Variants in PIK3CD observed in about 807,000 individuals in gnomAD.
The protein encoded by PIK3CD is phosphatidylinositol 4,5-bisphosphate 3-kinase catalytic subunit delta isoform.
PIK3CD carries 20 observed loss-of-function variants against 122.9 expected under a neutral mutation model. The ratio of observed to expected loss-of-function variants is 0.16; its 90% CI spans 0.11 to 0.24. The LOEUF (loss-of-function observed/expected upper bound fraction) is 0.24. Ranked by LOEUF, PIK3CD falls within the 10% of genes least tolerant of loss-of-function variation. The pLI is 1.00. For synonymous variants in PIK3CD, 596 were observed against 593.4 expected, an observed-to-expected ratio of 1.00 and a Z score of -0.06; for missense variants, 787 against 1,406.3, an observed-to-expected ratio of 0.56 and a Z score of 7.04.
intron 2 of PIK3CD, among the ~76,000 whole-genome samples, chr1:9,692,388 T>C (rs1159664724): frequency 6.6e-6 from 1 of 152,184 alleles, no homozygotes; most frequent in African/African-American, 2.4e-5. Flanking sequence ...AGATCTTCAT[T>C]GGTACTTTCC....
chr1:9,678,080 G>C (rs1450266035), intron 1 of PIK3CD, among the ~76,000 whole-genome samples: 1 of 151,138 alleles, frequency 6.6e-6, no homozygotes, highest in African/African-American at 2.4e-5. Context: ...GGAGGCGGAG[G>C]TTGCAGTGAG....
At position 9,726,882 on chromosome 1, in the gene PIK3CD, G is replaced by T. The variant is rs1004038039; in HGVS notation, c.2998-27G>T. The T allele has an allele frequency of 9.9e-6, 16 of 1,613,454 alleles. No individual in the cohort carries two copies. In the Admixed American group the frequency reaches 2.7e-4, roughly 27 times the overall value. ...AGAGCAAGGTCCGGGCCCCCTTAACGTGGACACCGCTGTGATTTGTTTGCA... is the reference window on the plus strand; with the variant it reads ...AGAGCAAGGTCCGGGCCCCCTTAACTTGGACACCGCTGTGATTTGTTTGCA... On this transcript the variant is annotated intron_variant, in intron 23 of 23. Transcript: ENST00000377346.
At chr1:9,716,846 C>A in intron 6 of PIK3CD, 113 bp from the exon 7 acceptor site, 1 of 1,469,984 alleles carries the variant, frequency 6.8e-7, no homozygotes, top group South Asian at 1.1e-5. Context: ...AAGCCCTCCC[C>A]TCTCCCAAGG....
chr1:9,689,351 G>C lies in PIK3CD; in HGVS notation c.-137-2116G>C, dbSNP rs940378955. On this transcript the variant is annotated intron_variant, in intron 1 of 23. Coordinates refer to ENST00000377346, the MANE Select transcript of PIK3CD (RefSeq NM_005026.5). The surrounding 1 kb of genome is among the most constrained non-coding windows in gnomAD (Gnocchi z 6.1). The stretch of plus-strand genomic sequence containing the variant: ...GGCGAGAACAGCGGGGGTCGGGGAG[G>C]ATTTGCAGCGTCCACTCCTCTCTCC... Among the ~76,000 whole-genome samples, 2 of 152,040 alleles carry C rather than the reference G, an allele frequency of 1.3e-5. No individual in the cohort carries two copies. Among genetic ancestry groups the C allele is most frequent in the African/African-American group, 2.4e-5 (1 of 41,410 alleles).
At chr1:9,678,503 G>A (rs529244402) in intron 1 of PIK3CD, among the ~76,000 whole-genome samples, 7 of 152,072 alleles carry the variant, frequency 4.6e-5, no homozygotes, top group South Asian at 4.1e-4. Context: ...CCAGAACCAC[G>A]TCACCCAGTG....
Position 9,728,706 on chromosome 1 carries a change from G to C in PIK3CD, c.*1660G>C, listed in dbSNP as rs1296677406. The C allele has an allele frequency of 6.6e-6, 1 of 152,276 alleles. No homozygotes were observed. Among genetic ancestry groups the C allele is most frequent in the East Asian group, 1.9e-4 (1 of 5,204 alleles). 9.4% of individuals were successfully genotyped at this position (152,276 alleles called of 1,614,324 possible). A position where few individuals can be genotyped will look rare whatever the true frequency, so the allele number is the denominator to read the frequency against. ...GCGTTATTTATTTAAGTGCGCCTGT[G>C]TGCGCGGGTGTGGGAGCACACTTTG... On this transcript the variant is annotated 3_prime_UTR_variant, in exon 24 of 24. Coordinates refer to ENST00000377346, the MANE Select transcript of PIK3CD (RefSeq NM_005026.5).
intron 1 of PIK3CD, among the ~76,000 whole-genome samples, chr1:9,656,186 A>G (rs943663340): frequency 2.0e-5 from 3 of 152,028 alleles, no homozygotes; most frequent in Admixed American, 6.6e-5. Context: ...GGATAGACCT[A>G]TTTGGGATTT....
chr1:9,695,422 A>G (rs1338101446), intron 2 of PIK3CD, among the ~76,000 whole-genome samples: 1 of 152,208 alleles, frequency 6.6e-6, no homozygotes, highest in Admixed American at 6.5e-5. Context: ...GGCCCACGCT[A>G]TAGGACATCA....
rs765825939 is a variant in PIK3CD, at chr1:9,727,082, C to T, written c.*36C>T. The T allele has an allele frequency of 2.0e-5, 33 of 1,613,450 alleles. No homozygotes were observed. The highest frequency in any genetic ancestry group is 2.7e-5 in the African/African-American group (2 of 74,902). On this transcript the variant is annotated 3_prime_UTR_variant, in exon 24 of 24. Coordinates refer to ENST00000377346, the MANE Select transcript of PIK3CD (RefSeq NM_005026.5). ...CAGCCCTGGGCCCAAGAGGAGGCGGCTGCGGGTCGTGGGGACCAAGCACAT... is the reference window on the plus strand; with the variant it reads ...CAGCCCTGGGCCCAAGAGGAGGCGGTTGCGGGTCGTGGGGACCAAGCACAT...
At chr1:9,650,161 C>G (rs1025679147), upstream of PIK3CD, among the ~76,000 whole-genome samples, 1 of 152,118 alleles carries the variant, frequency 6.6e-6, no homozygotes, top group African/African-American at 2.4e-5. Flanking sequence ...TGGTGGTTCA[C>G]GCCTGTAATC....
At chr1:9,694,417 C>T (rs537869525) in intron 2 of PIK3CD, among the ~76,000 whole-genome samples, 109 of 152,256 alleles carry the variant, frequency 7.2e-4, no homozygotes, top group African/African-American at 2.5e-3. Flanking sequence ...GCCTGTAATC[C>T]CAGCTACTTA....
intron 1 of PIK3CD, among the ~76,000 whole-genome samples, chr1:9,661,841 A>T (rs1458904677): frequency 6.6e-6 from 1 of 151,722 alleles, no homozygotes; most frequent in African/African-American, 2.4e-5. Flanking sequence ...TTAAAAATAC[A>T]AAAAATTAGC....
chr1:9,642,625 G>T, the PIK3CD span, among the ~76,000 whole-genome samples: 2 of 150,988 alleles, frequency 1.3e-5, no homozygotes, highest in African/African-American at 4.9e-5. Flanking sequence ...GCTGAGGCAG[G>T]AGAATGGTGT....
chr1:9,724,816 C>T lies in PIK3CD; in HGVS notation c.2877C>T (p.Tyr959=), dbSNP rs781607385. 6 of 1,613,358 alleles carry T rather than the reference C, an allele frequency of 3.7e-6. No individual in the cohort carries two copies. The highest frequency in any genetic ancestry group is 4.2e-6 in the Non-Finnish European group (5 of 1,180,048). Residue 959 remains tyrosine, a synonymous_variant, in exon 23 of 24, where the codon TAC becomes TAT. Transcript: ENST00000377346. The surrounding 1 kb of genome is among the most constrained non-coding windows in gnomAD (Gnocchi z 7.3). ...CCCCTACCTGCAGGTTCCGGGGCTA[C>T]TGTGAAAGGGCCTACACCATCCTGC... The part of the protein sequence containing the change: ...NSEKFERFRG[Y]CERAYTILRR...
At position 9,717,605 on chromosome 1, in the gene PIK3CD, G is replaced by A. The variant is rs142215538; in HGVS notation, c.999G>A (p.Val333=). The A allele has an allele frequency of 1.1e-5, 18 of 1,614,016 alleles. No homozygotes were observed. The African/African-American group carries it at 2.4e-4, about 22-fold the overall frequency. The change falls in exon 8 of 24, where the codon GTG becomes GTA. Residue 333 remains valine (V), a synonymous_variant. Transcript: ENST00000377346. The surrounding 1 kb of genome is among the most constrained non-coding windows in gnomAD (Gnocchi z 5.4). ...FRIELIQGSK[V]NADERMKLVV... is the part of the protein sequence containing the mutation. ...TCGAGCTCATCCAGGGCAGCAAAGTGAACGCCGACGAGCGGATGAAGGTGG... is the reference window on the plus strand; with the variant it reads ...TCGAGCTCATCCAGGGCAGCAAAGTAAACGCCGACGAGCGGATGAAGGTGG...
intron 1 of PIK3CD, among the ~76,000 whole-genome samples, chr1:9,654,904 G>A (rs114525142): frequency 0.051 from 7,609 of 148,632 alleles, 273 homozygotes; most frequent in Admixed American, 0.12. Context: ...TACGAAAAAT[G>A]CAAAAAAAAA....
chr1:9,646,173 G>A, the PIK3CD span, among the ~76,000 whole-genome samples: 240 of 152,246 alleles, frequency 1.6e-3, 3 homozygotes, highest in South Asian at 0.037. Flanking sequence ...TATAGACTGT[G>A]TGGCCCTGAA....
intron 1 of PIK3CD, among the ~76,000 whole-genome samples, chr1:9,684,825 CA>C (rs1292695143): frequency 7.7e-6 from 1 of 129,400 alleles, no homozygotes; most frequent in Non-Finnish European, 1.6e-5. Context: ...CAGCCTGGGT[CA>C]CAGTGTGAGA....
the PIK3CD span, among the ~76,000 whole-genome samples, chr1:9,638,461 G>A: frequency 2.1e-4 from 32 of 151,894 alleles, no homozygotes; most frequent in Non-Finnish European, 3.4e-4. Context: ...GGCCGGGAGC[G>A]GTGGCTCACA....
Sources: allele counts gnomAD v4.1 joint callset (sites outside exome capture counted in the v4.1 genomes callset), GRCh38; gene constraint gnomAD v4.1.1; non-coding constraint Gnocchi (gnomAD v3.1); transcripts MANE v1.5; gene names NCBI Gene and HGNC (gene_info 2026-07-23, HGNC 2026-07-21).